SLC12A3: variants seen among roughly 807,000 people sequenced by gnomAD.
SLC12A3 encodes solute carrier family 12 member 3.
In SLC12A3, 104 loss-of-function variants were observed where a neutral mutation model predicts 121.0. The ratio of observed to expected loss-of-function variants is 0.86; its 90% CI spans 0.73 to 1.01. The LOEUF is 1.01. Ranked by LOEUF, SLC12A3 falls within the 50% of genes least tolerant of loss-of-function variation. The pLI is 0.00. For synonymous variants in SLC12A3, 536 were observed against 533.4 expected, an observed-to-expected ratio of 1.00 and a Z score of -0.07; for missense variants, 1,328 against 1,356.3, an observed-to-expected ratio of 0.98 and a Z score of 0.33.
At position 56,893,164 on chromosome 16, in the gene SLC12A3, C is replaced by A. The variant is rs2055413902; in HGVS notation, c.2521+110C>A. On this transcript the variant is annotated intron_variant, in intron 21 of 25. Transcript: ENST00000563236. ...CTCAAAGGGGACAGGGGCTCCTGGG[C>A]CCAGCAGTGAGCTCAGGGGAGCCCA... The A allele has an allele frequency of 6.4e-5, 57 of 889,670 alleles. 1 individual carries two copies. The South Asian group carries it at 8.1e-4, about 13-fold the overall frequency. 55.1% of individuals were successfully genotyped at this position (889,670 alleles called of 1,614,324 possible).
At chr16:56,884,017 G>A (rs1192526370) in intron 13 of SLC12A3, 32 bp from the exon 14 acceptor site, 1 of 1,613,626 alleles carries the variant, frequency 6.2e-7, no homozygotes, top group South Asian at 1.1e-5. Context: ...TCGACTGCCA[G>A]GCATGCCCAC....
chr16:56,886,946 C>A lies in SLC12A3; in HGVS notation c.2038-7C>A. The A allele has an allele frequency of 6.2e-7, 1 of 1,613,470 alleles. No individual in the cohort carries two copies. Among genetic ancestry groups the A allele is most frequent in the South Asian group, 1.1e-5 (1 of 91,070 alleles). On this transcript the variant is annotated splice_polypyrimidine_tract_variant and splice_region_variant and intron_variant, in intron 16 of 25. Coordinates refer to ENST00000563236, the MANE Select transcript of SLC12A3 (RefSeq NM_001126108.2). ...CTGGTGATGTCCCCTGCCCCTCCCACCCACAGGGACCCCACAAGCAGAGGA... is the reference window on the plus strand; with the variant it reads ...CTGGTGATGTCCCCTGCCCCTCCCAACCACAGGGACCCCACAAGCAGAGGA...
intron 13 of SLC12A3, 89 bp downstream of exon 13, chr16:56,882,586 A>T (rs1471706391): frequency 2.1e-6 from 2 of 968,840 alleles, no homozygotes; most frequent in Non-Finnish European, 3.4e-6. Context: ...GCATGGGTGG[A>T]GGTTGGCAGC....
At chr16:56,902,084 T>C (rs960712119) in intron 23 of SLC12A3, 3 of 450,388 alleles carry the variant, frequency 6.7e-6, no homozygotes, top group South Asian at 2.1e-5. Context: ...TGTTCACTGT[T>C]GTGTAGCACA....
chr16:56,894,486 C>T (rs778070375), intron 21 of SLC12A3, 45 bp from the exon 22 acceptor site: 17 of 1,389,392 alleles, frequency 1.2e-5, no homozygotes, highest in South Asian at 2.4e-5. Context: ...AGTGCTCTGT[C>T]CTGAGTGTAT....
At chr16:56,909,160 T>G (rs1036733717) in intron 25 of SLC12A3, among the ~76,000 whole-genome samples, 4 of 152,148 alleles carry the variant, frequency 2.6e-5, no homozygotes, top group Admixed American at 2.0e-4. Context: ...TTAAAATGAC[T>G]CATTAAAATG....
chr16:56,897,241 T>C (rs554610045), intron 22 of SLC12A3, among the ~76,000 whole-genome samples: 1 of 152,204 alleles, frequency 6.6e-6, no homozygotes, highest in East Asian at 1.9e-4. Context: ...TCAGGTGAGG[T>C]GGGAGGTGGT....
At chr16:56,866,992 T>A in intron 1 of SLC12A3, 78 bp from the exon 2 acceptor site, 1 of 1,582,662 alleles carries the variant, frequency 6.3e-7, no homozygotes, top group Non-Finnish European at 8.6e-7. Flanking sequence ...GGCGCAGTGG[T>A]GCAGGTCAGT....
At chr16:56,910,539 A>G (rs2055672067) in intron 25 of SLC12A3, among the ~76,000 whole-genome samples, 1 of 152,058 alleles carries the variant, frequency 6.6e-6, no homozygotes, top group Non-Finnish European at 1.5e-5. Context: ...GGGTTTTACC[A>G]TGTTGGCCCA....
Position 56,878,061 on chromosome 16 carries a change from T to TCCCCCCCCCCC in SLC12A3, c.1096-13_1096-12insCCCCCCCCCCC. ...CTCCCTCCCTCCCTCCCTCCCTCTCTCCCTCCCTCCTTCAGGACCCTGCTA... is the reference window on the plus strand; with the variant it reads ...CTCCCTCCCTCCCTCCCTCCCTCTCTCCCCCCCCCCCCCCTCCCTCCTTCAGGACCCTGCTA... On this transcript the variant is annotated splice_polypyrimidine_tract_variant and intron_variant, in intron 8 of 25. Coordinates refer to ENST00000563236, the MANE Select transcript of SLC12A3 (RefSeq NM_001126108.2). 1 of 384,466 alleles carries TCCCCCCCCCCC rather than the reference T, an allele frequency of 2.6e-6. No individual in the cohort carries two copies. Among genetic ancestry groups the TCCCCCCCCCCC allele is most frequent in the Non-Finnish European group, 4.6e-6 (1 of 219,262 alleles). The allele number at this position is 384,466 out of a possible 1,614,324, so 23.8% of individuals were successfully genotyped here.
chr16:56,899,181 A>T (rs935819883), intron 22 of SLC12A3, among the ~76,000 whole-genome samples: 2 of 152,218 alleles, frequency 1.3e-5, no homozygotes, highest in African/African-American at 2.4e-5. Context: ...TGTAGTCAGT[A>T]GGTGCTCAGT....
rs755679612 is a variant in SLC12A3 at position 56,890,370 on chromosome 16, C to A, written c.2368+14C>A. ...TGCAGGCGCACAGTGAGTACATGCC[C>A]CACCCACTCCCAGAAAGTTCTAGAA... is the stretch of plus-strand genomic sequence containing the variant. On this transcript the variant is annotated intron_variant, in intron 19 of 25. Transcript: ENST00000563236. 1.9e-6 allele frequency: 3 copies of A among 1,607,932 alleles called. No homozygotes were observed.
chr16:56,903,797 G>A (rs555621003), intron 24 of SLC12A3, among the ~76,000 whole-genome samples: 2 of 152,142 alleles, frequency 1.3e-5, no homozygotes, highest in African/African-American at 2.4e-5. Flanking sequence ...TGTCAGCCCC[G>A]AGACCCTGCC....
rs1460119539 is a variant in SLC12A3, at chr16:56,880,128, A to G, written c.1444-2A>G. On this transcript the variant is annotated splice_acceptor_variant, in intron 11 of 25. Coordinates refer to ENST00000563236, the MANE Select transcript of SLC12A3 (RefSeq NM_001126108.2). LOFTEE classifies it high-confidence loss of function. ...GGGTGAGTGCGGCATCTGGTGCTGCAGTGCCTTTGCGAGGACCAGCTGTAC... is the reference window on the plus strand; with the variant it reads ...GGGTGAGTGCGGCATCTGGTGCTGCGGTGCCTTTGCGAGGACCAGCTGTAC... 6.2e-7 allele frequency: 1 copy of G among 1,604,790 alleles called. No individual in the cohort carries two copies. The highest frequency in any genetic ancestry group is 1.3e-5 in the African/African-American group (1 of 74,888).
At chr16:56,883,344 G>A (rs1194462495) in intron 13 of SLC12A3, among the ~76,000 whole-genome samples, 6 of 141,182 alleles carry the variant, frequency 4.2e-5, no homozygotes, top group African/African-American at 1.1e-4. Context: ...GCAGTTGCAC[G>A]ATCTCGGCTC....
At position 56,878,163 on chromosome 16, in the gene SLC12A3, T is replaced by C. The variant is rs1212299212; in HGVS notation, c.1180+2T>C. ...ACCTGGCCATCTCAGCCACCATTGG[T>C]AAGTGGCCGGCCCAGCCAGTCAGGA... On this transcript the variant is annotated splice_donor_variant, in intron 9 of 25. Coordinates refer to ENST00000563236, the MANE Select transcript of SLC12A3 (RefSeq NM_001126108.2). LOFTEE classifies it high-confidence loss of function. The C allele has an allele frequency of 2.5e-6, 4 of 1,609,846 alleles. No individual in the cohort carries two copies. The highest frequency in any genetic ancestry group is 2.2e-5 in the South Asian group (2 of 91,030).
At chr16:56,883,343 C>T (rs1004671436) in intron 13 of SLC12A3, among the ~76,000 whole-genome samples, 22 of 144,826 alleles carry the variant, frequency 1.5e-4, no homozygotes, top group African/African-American at 4.4e-4. Flanking sequence ...AGCAGTTGCA[C>T]GATCTCGGCT....
Position 56,913,493 on chromosome 16 carries a change from A to C in SLC12A3, c.*88A>C, listed in dbSNP as rs1174276232. ...CCTCTAGTCCACAGGGATGAGACTC[A>C]TGTTCTGTTGCACTTTAAGTGGCAG... On this transcript the variant is annotated 3_prime_UTR_variant, in exon 26 of 26. Transcript: ENST00000563236. The C allele has an allele frequency of 3.7e-5, 49 of 1,320,946 alleles. No individual in the cohort carries two copies. The highest frequency in any genetic ancestry group is 4.9e-5 in the Non-Finnish European group (45 of 913,186). 81.8% of individuals were successfully genotyped at this position (1,320,946 alleles called of 1,614,324 possible).
chr16:56,878,035 T>TCTCCCTCCCTCCCTCCCTCA, intron 8 of SLC12A3, 42 bp from the exon 9 acceptor site: 4 of 459,016 alleles, frequency 8.7e-6, no homozygotes, highest in East Asian at 8.9e-5. Context: ...TCCCTCCCTC[T>TCTCCCTCCCTCCCTCCCTCA]CTCCCTCCCT....
Sources: gnomAD v4.1 joint callset for allele counts (sites outside exome capture counted in the v4.1 genomes callset) on GRCh38, gnomAD v4.1.1 for gene constraint, MANE v1.5 for transcripts, NCBI Gene and HGNC (gene_info 2026-07-23, HGNC 2026-07-21) for gene names.